The following ZZZ3 variants were observed in gnomAD, a reference collection of about 807,000 sequenced individuals.
ZZZ3 encodes the protein zinc finger ZZ-type containing 3.
In ZZZ3, 22 loss-of-function variants were observed where a neutral mutation model predicts 95.2. That is an observed-to-expected ratio of 0.23 (90% CI 0.17 to 0.33). ZZZ3 has a LOEUF of 0.33. Ranked by LOEUF, ZZZ3 falls within the 10% of genes least tolerant of loss-of-function variation. ZZZ3 has a pLI of 1.00. For missense variants in ZZZ3, 885 were observed against 1,066.5 expected (o/e 0.83, Z 2.37); for synonymous variants, 335 against 358.9 (o/e 0.93, Z 0.75).
chr1:77,574,765 CA>C (rs1661758681), intron 12 of ZZZ3, among the ~76,000 whole-genome samples: 1 of 152,238 alleles, frequency 6.6e-6, no homozygotes. Context: ...CTAACAAAGG[CA>C]GTAACATCAA....
intron 5 of ZZZ3, among the ~76,000 whole-genome samples, chr1:77,612,447 C>T (rs1453395089): frequency 6.6e-6 from 1 of 151,944 alleles, no homozygotes; most frequent in Admixed American, 6.6e-5. Flanking sequence ...TGGGCATTTA[C>T]CCAAAGGAGA....
intron 1 of ZZZ3, chr1:77,645,240 T>C (rs968705295): frequency 6.6e-5 from 10 of 152,144 alleles, no homozygotes; most frequent in Non-Finnish European, 1.2e-4. Flanking sequence ...AAAAATTAAC[T>C]AATTAATCAA....
intron 5 of ZZZ3, among the ~76,000 whole-genome samples, chr1:77,613,762 ATAAAC>A (rs1666038498): frequency 6.6e-6 from 1 of 152,162 alleles, no homozygotes; most frequent in Admixed American, 6.5e-5. Flanking sequence ...TTCCTACCTG[ATAAAC>A]TAAACAAGTT....
At chr1:77,636,479 G>A (rs1008073635) in intron 4 of ZZZ3, among the ~76,000 whole-genome samples, 2 of 151,914 alleles carry the variant, frequency 1.3e-5, no homozygotes, top group East Asian at 1.9e-4. Context: ...TTGGGAAACC[G>A]AGGTAGGTGG....
chr1:77,604,623 C>T (rs1665053100), intron 5 of ZZZ3, among the ~76,000 whole-genome samples: 1 of 152,172 alleles, frequency 6.6e-6, no homozygotes, highest in African/African-American at 2.4e-5. Context: ...GATCGATAAC[C>T]TTGTTGAATG....
chr1:77,594,570 C>T (rs546910692), intron 5 of ZZZ3, among the ~76,000 whole-genome samples: 8 of 152,020 alleles, frequency 5.3e-5, no homozygotes, highest in South Asian at 2.1e-4. Context: ...TCTTCAATGA[C>T]GACAGTTCAG....
intron 1 of ZZZ3, among the ~76,000 whole-genome samples, chr1:77,648,953 C>A (rs935955805): frequency 1.3e-5 from 2 of 151,960 alleles, no homozygotes; most frequent in Non-Finnish European, 2.9e-5. Flanking sequence ...ATAGTGAAAT[C>A]CCATATCTAC....
chr1:77,568,870 T>C (rs1272253574), intron 12 of ZZZ3, among the ~76,000 whole-genome samples: 3 of 152,192 alleles, frequency 2.0e-5, no homozygotes, highest in Non-Finnish European at 4.4e-5. Flanking sequence ...TTTGCTCCTG[T>C]AAACATGACA....
chr1:77,644,050 A>G (rs1468529271), intron 1 of ZZZ3, among the ~76,000 whole-genome samples: 1 of 152,106 alleles, frequency 6.6e-6, no homozygotes, highest in Non-Finnish European at 1.5e-5. Context: ...GGTCAAAGAC[A>G]GAAATAACTT....
chr1:77,639,392 A>AAAG, intron 4 of ZZZ3, 57 bp downstream of exon 4: 1 of 1,414,664 alleles, frequency 7.1e-7, no homozygotes, highest in South Asian at 1.5e-5. Flanking sequence ...CAAAAAAAAA[A>AAAG]AAGAAGAAGA....
At chr1:77,648,411 A>G (rs546451986) in intron 1 of ZZZ3, among the ~76,000 whole-genome samples, 1 of 152,056 alleles carries the variant, frequency 6.6e-6, no homozygotes, top group South Asian at 2.1e-4. Context: ...AAATGAGAAA[A>G]AGCAATCGAC....
chr1:77,651,246 G>C (rs753536637), intron 1 of ZZZ3, among the ~76,000 whole-genome samples: 1 of 152,050 alleles, frequency 6.6e-6, no homozygotes, highest in African/African-American at 2.4e-5. Flanking sequence ...TTAGTTGGGC[G>C]TAGTGGTGTG....
At chr1:77,614,470 A>T (rs1666114505) in intron 5 of ZZZ3, among the ~76,000 whole-genome samples, 1 of 152,230 alleles carries the variant, frequency 6.6e-6, no homozygotes, top group Non-Finnish European at 1.5e-5. Context: ...CATCAGCACA[A>T]GAAAACTAAA....
At chr1:77,657,264 G>A (rs1197021466) in intron 1 of ZZZ3, among the ~76,000 whole-genome samples, 2 of 152,192 alleles carry the variant, frequency 1.3e-5, no homozygotes, top group African/African-American at 2.4e-5. Flanking sequence ...TTACAGGCGT[G>A]AGCCACCGCA....
At chr1:77,675,142 T>C (rs1295098391) in intron 1 of ZZZ3, among the ~76,000 whole-genome samples, 1 of 152,070 alleles carries the variant, frequency 6.6e-6, no homozygotes, top group East Asian at 1.9e-4. Flanking sequence ...TACAAAGTTC[T>C]TCAAGGGCTA....
At chr1:77,600,088 C>T (rs1445593434) in intron 5 of ZZZ3, among the ~76,000 whole-genome samples, 1 of 151,718 alleles carries the variant, frequency 6.6e-6, no homozygotes, top group Non-Finnish European at 1.5e-5. Flanking sequence ...AGACTACATC[C>T]ACATTAGAGT....
chr1:77,589,318 T>C (rs1316776965), intron 5 of ZZZ3, among the ~76,000 whole-genome samples: 1 of 152,174 alleles, frequency 6.6e-6, no homozygotes, highest in Non-Finnish European at 1.5e-5. Flanking sequence ...ATTATTTATA[T>C]TCATGAATAT....
intron 5 of ZZZ3, among the ~76,000 whole-genome samples, chr1:77,612,448 C>T (rs1665904497): frequency 6.6e-6 from 1 of 151,842 alleles, no homozygotes; most frequent in Non-Finnish European, 1.5e-5. Context: ...GGGCATTTAC[C>T]CAAAGGAGAT....
chr1:77,591,297 C>T (rs1663668218), intron 5 of ZZZ3, among the ~76,000 whole-genome samples: 1 of 152,086 alleles, frequency 6.6e-6, no homozygotes, highest in South Asian at 2.1e-4. Context: ...TAATCTCCCA[C>T]TTTCTTTCTC....
Sources: allele counts gnomAD v4.1 joint callset (sites outside exome capture counted in the v4.1 genomes callset), GRCh38; gene constraint gnomAD v4.1.1; transcripts MANE v1.5; gene names NCBI Gene and HGNC (gene_info 2026-07-23, HGNC 2026-07-21).